The following MAEL variants were observed in gnomAD, a reference collection of about 807,000 sequenced individuals.
MAEL encodes the protein maelstrom spermatogenic transposon silencer, also known as protein maelstrom homolog.
MAEL carries 46 observed loss-of-function variants against 62.0 expected under a neutral mutation model. The ratio of observed to expected loss-of-function variants is 0.74; its 90% CI spans 0.59 to 0.95. The LOEUF is 0.95. Ranked by LOEUF, MAEL falls within the 40% of genes least tolerant of loss-of-function variation. The pLI is 0.00. For synonymous variants in MAEL, 172 were observed against 175.5 expected (o/e 0.98, Z 0.16); for missense variants, 497 against 526.8 (o/e 0.94, Z 0.55).
intron 1 of MAEL, 112 bp downstream of exon 1, chr1:166,989,596 A>G (rs1019169417): frequency 6.7e-7 from 1 of 1,488,978 alleles, no homozygotes. Flanking sequence ...CTGCCAGAGG[A>G]AGAGGAAGGC....
intron 5 of MAEL, 38 bp downstream of exon 5, chr1:166,994,107 A>G: frequency 6.4e-7 from 1 of 1,554,518 alleles, no homozygotes; most frequent in Non-Finnish European, 8.9e-7. Flanking sequence ...TGTGACTTGA[A>G]TCTATTCATA....
intron 5 of MAEL, among the ~76,000 whole-genome samples, chr1:166,996,109 A>C (rs1485635715): frequency 2.0e-5 from 3 of 152,232 alleles, no homozygotes; most frequent in African/African-American, 7.2e-5. Flanking sequence ...CCAATTAAAT[A>C]AGATAAAAAT....
At chr1:167,017,315 A>G (rs1399187849) in intron 9 of MAEL, among the ~76,000 whole-genome samples, 1 of 152,128 alleles carries the variant, frequency 6.6e-6, no homozygotes, top group African/African-American at 2.4e-5. Context: ...ACATCATATT[A>G]CTTTTATTTT....
Position 167,005,089 on chromosome 1 carries a change from C to A in MAEL, c.662C>A (p.Thr221Asn), listed in dbSNP as rs369125241. Residue 221 changes from threonine (T) to asparagine (N), a missense_variant, in exon 7 of 12, where the codon ACC (threonine) becomes AAC (asparagine). By Grantham distance (65) the Thr-to-Asn change is moderately conservative. Coordinates refer to ENST00000367872, the MANE Select transcript of MAEL (RefSeq NM_032858.3). ...TGCTTTCTCCAGTCTGATGATAGAA[C>A]CAGAGTCAACTGGTGTTTGAAGCAT... is the stretch of plus-strand genomic sequence containing the variant. ...PPIYCKSDDRTRVNWCLKHMA... is the reference protein window; with the variant it reads ...PPIYCKSDDRNRVNWCLKHMA... The A allele has an allele frequency of 1.9e-6, 3 of 1,613,266 alleles. No homozygotes were observed. The highest frequency in any genetic ancestry group is 2.5e-6 in the Non-Finnish European group (3 of 1,179,674).
intron 10 of MAEL, among the ~76,000 whole-genome samples, chr1:167,020,746 T>C (rs1344392555): frequency 6.6e-6 from 1 of 152,160 alleles, no homozygotes; most frequent in Non-Finnish European, 1.5e-5. Context: ...TCTGCTTGTA[T>C]ATTAGATTTC....
chr1:166,988,517 G>A (rs1428394126), upstream of MAEL, among the ~76,000 whole-genome samples: 1 of 151,852 alleles, frequency 6.6e-6, no homozygotes, highest in Non-Finnish European at 1.5e-5. Flanking sequence ...TTTTCTCTGG[G>A]AAACGTAATT....
At chr1:167,002,403 T>C (rs753653615) in intron 5 of MAEL, among the ~76,000 whole-genome samples, 1 of 152,220 alleles carries the variant, frequency 6.6e-6, no homozygotes, top group Non-Finnish European at 1.5e-5. Context: ...AATCCTCTTA[T>C]CGGGATCTTC....
chr1:166,980,469 G>A (rs1663726952), intron 1 of MAEL, among the ~76,000 whole-genome samples: 1 of 152,222 alleles, frequency 6.6e-6, no homozygotes, highest in African/African-American at 2.4e-5. Context: ...GCAAGGAGAA[G>A]GAGTGACAGG....
At chr1:166,989,892 G>A in intron 2 of MAEL, 63 bp downstream of exon 2, 1 of 1,315,958 alleles carries the variant, frequency 7.6e-7, no homozygotes, top group East Asian at 2.3e-5. Flanking sequence ...GTAAAGGCTG[G>A]ATGAGTGAAT....
At chr1:166,979,563 CCAAAA>C (rs777796484) in intron 1 of MAEL, among the ~76,000 whole-genome samples, 10 of 152,200 alleles carry the variant, frequency 6.6e-5, no homozygotes, top group Non-Finnish European at 1.2e-4. Flanking sequence ...ATGCATTATG[CCAAAA>C]CAAAACAAAA....
At chr1:167,009,437 TA>T (rs1487309439) in intron 8 of MAEL, among the ~76,000 whole-genome samples, 1 of 152,152 alleles carries the variant, frequency 6.6e-6, no homozygotes. Context: ...TGACTGGAGT[TA>T]GTTGATCATT....
At chr1:167,020,530 C>G (rs1439729558) in intron 10 of MAEL, among the ~76,000 whole-genome samples, 1 of 152,062 alleles carries the variant, frequency 6.6e-6, no homozygotes, top group Non-Finnish European at 1.5e-5. Context: ...TATTTCTCAC[C>G]ACCTTTTTCC....
intron 2 of MAEL, among the ~76,000 whole-genome samples, 199 bp from the exon 3 acceptor site, chr1:166,991,179 C>T (rs918071811): frequency 6.6e-6 from 1 of 152,194 alleles, no homozygotes; most frequent in Non-Finnish European, 1.5e-5. Flanking sequence ...TTATTTACCA[C>T]TCCCCTTCTG....
At chr1:166,984,836 C>T (rs999626611), upstream of MAEL, among the ~76,000 whole-genome samples, 4 of 152,100 alleles carry the variant, frequency 2.6e-5, no homozygotes, top group African/African-American at 4.8e-5. Flanking sequence ...AGCTCTATTC[C>T]GTCCATCCTT....
At chr1:166,985,635 A>G (rs1344445442), upstream of MAEL, among the ~76,000 whole-genome samples, 1 of 152,234 alleles carries the variant, frequency 6.6e-6, no homozygotes, top group Non-Finnish European at 1.5e-5. Context: ...GTAAGCCTAA[A>G]AAGAGTGAAA....
chr1:166,985,844 C>T (rs530658741), upstream of MAEL, among the ~76,000 whole-genome samples: 4 of 151,924 alleles, frequency 2.6e-5, no homozygotes, highest in South Asian at 6.3e-4. Context: ...AGAAACAGAC[C>T]CAGAAATGAA....
At chr1:167,005,215 A>T in intron 7 of MAEL, 41 bp from the exon 8 acceptor site, 4 of 1,610,728 alleles carry the variant, frequency 2.5e-6, no homozygotes, top group Non-Finnish European at 3.4e-6. Flanking sequence ...CAGGTATCTA[A>T]ATTTACTAAT....
At chr1:166,996,257 G>A (rs1333945683) in intron 5 of MAEL, among the ~76,000 whole-genome samples, 2 of 152,178 alleles carry the variant, frequency 1.3e-5, no homozygotes, top group Non-Finnish European at 2.9e-5. Context: ...AATTTGAGTG[G>A]TATTTAAGGA....
At position 167,021,671 on chromosome 1, in the gene MAEL, A is replaced by G. The variant is rs1412671286; in HGVS notation, c.1121A>G (p.Asp374Gly). 1 of 1,593,886 alleles carries G rather than the reference A, an allele frequency of 6.3e-7. No individual in the cohort carries two copies. The highest frequency in any genetic ancestry group is 2.2e-5 in the East Asian group (1 of 44,712). Residue 374 changes from aspartate to glycine, a missense_variant, in exon 12 of 12, where the codon GAC (aspartate) becomes GGC (glycine). Transcript: ENST00000367872. ...EEQRSNTPIGDYPSRAKISGQ... is the reference protein window; with the variant it reads ...EEQRSNTPIGGYPSRAKISGQ... ...TCTTGTATTTTCAATATCCTAGGTG[A>G]CTACCCATCTAGGGCAAAAATTTCT...
Sources: gnomAD v4.1 joint callset for allele counts (sites outside exome capture counted in the v4.1 genomes callset) on GRCh38, gnomAD v4.1.1 for gene constraint, MANE v1.5 for transcripts, NCBI Gene and HGNC (gene_info 2026-07-23, HGNC 2026-07-21) for gene names.